The following RBFOX1 variants were observed in gnomAD, a reference collection of about 807,000 sequenced individuals.
RBFOX1 encodes the protein RNA binding protein fox-1 homolog 1.
A neutral mutation model predicts 57.7 loss-of-function variants in RBFOX1; 8 were observed. The ratio of observed to expected loss-of-function variants is 0.14; its 90% CI spans 0.08 to 0.25. The LOEUF (loss-of-function observed/expected upper bound fraction) is 0.25. RBFOX1 is among the 10% of genes least tolerant of loss of function. The probability of loss-of-function intolerance (pLI) is 1.00; values close to 1 mark genes in which losing one functional copy is unlikely to be tolerated. For synonymous variants in RBFOX1, 326 were observed against 222.4 expected (o/e 1.47, Z -4.15); for missense variants, 611 against 548.5 (o/e 1.11, Z -1.14).
chr16:5,637,553 C>G (rs932669855), intron 3 of RBFOX1, among the ~76,000 whole-genome samples: 1 of 152,180 alleles, frequency 6.6e-6, no homozygotes, highest in Non-Finnish European at 1.5e-5. Context: ...CTAGTGTATC[C>G]TCAATAAATC....
chr16:6,053,179 A>G (rs1465834406), intron 1 of RBFOX1, among the ~76,000 whole-genome samples: 1 of 152,156 alleles, frequency 6.6e-6, no homozygotes, highest in East Asian at 1.9e-4. Flanking sequence ...TGTGCCATGG[A>G]TGTAGCAGAA....
In RBFOX1 at chr16:6,703,640, G is replaced by A. The variant is rs1189880440; in HGVS notation, c.-16+48990G>A. On this transcript the variant is annotated intron_variant, in intron 3 of 15. Coordinates refer to ENST00000550418, the MANE Select transcript of RBFOX1 (RefSeq NM_018723.4). ...GAGGATCACTTGAGCCTGAGAAGTT[G>A]AGGCTGCAGTGAGCCATAGCTGAGC... is the stretch of plus-strand genomic sequence containing the variant. Among the ~76,000 whole-genome samples, 3 of 152,130 alleles carry A rather than the reference G, an allele frequency of 2.0e-5. No homozygotes were observed. In the East Asian group the frequency reaches 5.8e-4, roughly 29 times the overall value.
At chr16:6,676,473 C>A (rs944721403) in intron 3 of RBFOX1, among the ~76,000 whole-genome samples, 1 of 151,910 alleles carries the variant, frequency 6.6e-6, no homozygotes, top group Non-Finnish European at 1.5e-5. Flanking sequence ...GCAGAAAGGT[C>A]CTGAATGGGG....
intron 3 of RBFOX1, among the ~76,000 whole-genome samples, chr16:6,732,553 C>T (rs988142566): frequency 1.3e-5 from 2 of 152,202 alleles, no homozygotes; most frequent in Admixed American, 1.3e-4. Flanking sequence ...TGCTTTTCAT[C>T]CTGAATAGGC....
intron 3 of RBFOX1, among the ~76,000 whole-genome samples, chr16:6,726,386 C>G (rs7199169): frequency 0.052 from 7,065 of 136,340 alleles, 427 homozygotes; most frequent in Admixed American, 0.15. Flanking sequence ...AAAAATAAAA[C>G]GCTATTTTTT....
chr16:6,920,518 C>A (rs1210704837), intron 3 of RBFOX1, among the ~76,000 whole-genome samples: 1 of 152,290 alleles, frequency 6.6e-6, no homozygotes, highest in South Asian at 2.1e-4. Flanking sequence ...TTGCCAAGGG[C>A]TACCATAACA....
At chr16:5,302,018 T>C (rs534770962) in intron 1 of RBFOX1, among the ~76,000 whole-genome samples, 1 of 152,308 alleles carries the variant, frequency 6.6e-6, no homozygotes, top group African/African-American at 2.4e-5. Flanking sequence ...TTAGCTTCTT[T>C]AGGTTCCAGT....
chr16:5,499,605 C>A (rs1303284252), intron 2 of RBFOX1, among the ~76,000 whole-genome samples: 1 of 151,488 alleles, frequency 6.6e-6, no homozygotes, highest in Non-Finnish European at 1.5e-5. Context: ...CTGAGTCTCG[C>A]TGTATCGTCC....
rs528561289 is a variant in RBFOX1, at chr16:6,642,968, G to T, written c.-63-11635G>T. Reference sequence around the variant, plus strand: ...TGTTTGTATGATTTCAGGTGAAATAGCTCTTACATCGTGAGTCATCTTCAT... The same window carrying T: ...TGTTTGTATGATTTCAGGTGAAATATCTCTTACATCGTGAGTCATCTTCAT... On this transcript the variant is annotated intron_variant, in intron 2 of 15. Transcript: ENST00000550418. 3.9e-5 allele frequency among the ~76,000 whole-genome samples: 6 copies of T among 152,296 alleles called. No homozygotes were observed. In the East Asian group the frequency reaches 9.7e-4, roughly 25 times the overall value.
intron 4 of RBFOX1, among the ~76,000 whole-genome samples, chr16:7,421,885 G>A (rs976401606): frequency 4.0e-5 from 6 of 150,242 alleles, no homozygotes; most frequent in African/African-American, 1.3e-4. Context: ...TGAAGGAGAA[G>A]TGAGCCCTTA....
rs189094684 is a variant in RBFOX1 at position 7,149,876 on chromosome 16, A to G, written c.27+97778A>G. 3.9e-5 allele frequency among the ~76,000 whole-genome samples: 6 copies of G among 152,224 alleles called. No individual in the cohort carries two copies. In the East Asian group the frequency reaches 1.2e-3, roughly 29 times the overall value. ...CCTCTTCCTTAATGTAGCCCTTTCTATCTGACCCCTACTCACTGTCTCATC... is the reference window on the plus strand; with the variant it reads ...CCTCTTCCTTAATGTAGCCCTTTCTGTCTGACCCCTACTCACTGTCTCATC... On this transcript the variant is annotated intron_variant, in intron 4 of 15. Coordinates refer to ENST00000550418, the MANE Select transcript of RBFOX1 (RefSeq NM_018723.4).
At chr16:6,728,927 G>A (rs908131745) in intron 3 of RBFOX1, among the ~76,000 whole-genome samples, 3 of 152,078 alleles carry the variant, frequency 2.0e-5, no homozygotes, top group South Asian at 4.2e-4. Context: ...GCATACATAC[G>A]CACACGTATA....
intron 4 of RBFOX1, among the ~76,000 whole-genome samples, chr16:7,083,611 A>G (rs1329355619): frequency 6.6e-6 from 1 of 152,156 alleles, no homozygotes; most frequent in African/African-American, 2.4e-5. Flanking sequence ...TCAGATGCAC[A>G]AGAAACAACT....
chr16:7,134,913 C>A (rs2071492620), intron 4 of RBFOX1, among the ~76,000 whole-genome samples: 1 of 151,348 alleles, frequency 6.6e-6, no homozygotes, highest in South Asian at 2.1e-4. Context: ...ATGGTGGTTG[C>A]CGTTGAATTT....
chr16:6,431,896 G>GCTTCCTTTCTTTCTTT (rs1491277692), intron 2 of RBFOX1, among the ~76,000 whole-genome samples: 2 of 128,196 alleles, frequency 1.6e-5, no homozygotes, highest in Middle Eastern at 3.8e-3. Context: ...TTGCTTGCTT[G>GCTTCCTTTCTTTCTTT]CTTTCTTTCT....
intron 3 of RBFOX1, among the ~76,000 whole-genome samples, chr16:5,658,101 C>G (rs1056258463): frequency 2.6e-5 from 4 of 152,176 alleles, no homozygotes; most frequent in Admixed American, 6.5e-5. Context: ...AATGCCTGCT[C>G]TGTGGCTACA....
At chr16:6,079,577 C>G (rs1249374521) in intron 1 of RBFOX1, among the ~76,000 whole-genome samples, 1 of 151,714 alleles carries the variant, frequency 6.6e-6, no homozygotes, top group Non-Finnish European at 1.5e-5. Context: ...ACCAGCCTCC[C>G]AAAATAAGCT....
At chr16:6,416,073 G>A (rs192386516) in intron 2 of RBFOX1, among the ~76,000 whole-genome samples, 1 of 152,294 alleles carries the variant, frequency 6.6e-6, no homozygotes, top group Non-Finnish European at 1.5e-5. Flanking sequence ...ATTAGCAAGC[G>A]GTAATTCACC....
intron 3 of RBFOX1, among the ~76,000 whole-genome samples, chr16:6,689,435 T>G (rs2059903014): frequency 1.3e-5 from 2 of 152,196 alleles, no homozygotes; most frequent in Admixed American, 1.3e-4. Context: ...ATATTATTTT[T>G]ATATGGTAAT....
Sources: allele counts gnomAD v4.1 joint callset (sites outside exome capture counted in the v4.1 genomes callset), GRCh38; gene constraint gnomAD v4.1.1; transcripts MANE v1.5; gene names NCBI Gene and HGNC (gene_info 2026-07-23, HGNC 2026-07-21).